OPCML: variants seen among roughly 807,000 people sequenced by gnomAD.
The protein encoded by OPCML is opioid-binding protein/cell adhesion molecule.
A neutral mutation model predicts 37.8 loss-of-function variants in OPCML; 13 were observed. The ratio of observed to expected loss-of-function variants is 0.34; its 90% CI spans 0.22 to 0.55. The LOEUF is 0.55. OPCML is among the 20% of genes least tolerant of loss of function. OPCML has a pLI of 0.91. For missense variants in OPCML, 341 were observed against 435.6 expected (o/e 0.78, Z 1.93); for synonymous variants, 176 against 168.8 (o/e 1.04, Z -0.33).
chr11:132,721,554 C>T (rs1354479922), intron 2 of OPCML, among the ~76,000 whole-genome samples: 1 of 152,040 alleles, frequency 6.6e-6, no homozygotes, highest in African/African-American at 2.4e-5. Flanking sequence ...GAGCTGGGTA[C>T]CCAGGCAGAA....
At chr11:132,610,029 C>CATTGA (rs1555163813) in intron 3 of OPCML, among the ~76,000 whole-genome samples, 3 of 151,686 alleles carry the variant, frequency 2.0e-5, no homozygotes, top group South Asian at 2.1e-4. Context: ...ATTCAGGTTA[C>CATTGA]GTTAACATTT....
intron 1 of OPCML, among the ~76,000 whole-genome samples, chr11:133,022,713 A>G (rs1947476757): frequency 6.6e-6 from 1 of 152,192 alleles, no homozygotes; most frequent in South Asian, 2.1e-4. Flanking sequence ...GTGACGCACC[A>G]TGGAAAAATA....
chr11:133,217,327 T>A (rs1331675003), intron 1 of OPCML, among the ~76,000 whole-genome samples: 1 of 152,216 alleles, frequency 6.6e-6, no homozygotes, highest in African/African-American at 2.4e-5. Context: ...CCCGTTCCCA[T>A]GGGCAGAATT....
At chr11:133,330,071 C>T (rs561360950) in intron 1 of OPCML, among the ~76,000 whole-genome samples, 2 of 152,100 alleles carry the variant, frequency 1.3e-5, no homozygotes, top group Non-Finnish European at 2.9e-5. Flanking sequence ...GCAGCCAAAA[C>T]AACACATGAA....
At chr11:133,005,980 A>C in intron 1 of OPCML, 1 of 985,406 alleles carries the variant, frequency 1.0e-6, no homozygotes. Context: ...AAAAGGGAAG[A>C]TGTCTCTTTT....
intron 1 of OPCML, among the ~76,000 whole-genome samples, chr11:133,355,425 T>C (rs1944260841): frequency 6.6e-6 from 1 of 152,226 alleles, no homozygotes; most frequent in African/African-American, 2.4e-5. Flanking sequence ...TCCAGGATTG[T>C]TAATTTAAGT....
intron 2 of OPCML, among the ~76,000 whole-genome samples, chr11:132,709,894 C>T (rs1944189368): frequency 6.6e-6 from 1 of 152,188 alleles, no homozygotes. Flanking sequence ...AAGCATTGGT[C>T]AGTGCCTCTT....
intron 1 of OPCML, among the ~76,000 whole-genome samples, chr11:133,019,247 T>C (rs550703307): frequency 7.9e-5 from 12 of 152,256 alleles, no homozygotes; most frequent in Admixed American, 7.2e-4. Flanking sequence ...CAGACTGCAG[T>C]AGAACCACCA....
chr11:132,742,495 TG>T (rs1413496271), intron 2 of OPCML, among the ~76,000 whole-genome samples: 4 of 152,030 alleles, frequency 2.6e-5, no homozygotes, highest in Non-Finnish European at 5.9e-5. Context: ...GCTGGCACCG[TG>T]ATCTTGGAGT....
At chr11:132,514,515 G>T (rs2096275587) in intron 4 of OPCML, among the ~76,000 whole-genome samples, 1 of 152,134 alleles carries the variant, frequency 6.6e-6, no homozygotes, top group African/African-American at 2.4e-5. Flanking sequence ...TTTCTTTGTG[G>T]ATTCCTGCTG....
intron 2 of OPCML, among the ~76,000 whole-genome samples, chr11:132,710,063 C>G (rs902939763): frequency 3.9e-5 from 6 of 152,144 alleles, no homozygotes; most frequent in African/African-American, 7.2e-5. Context: ...TCTAAGTACA[C>G]AAGTACATCG....
chr11:133,037,288 T>C (rs1947800253), intron 1 of OPCML, among the ~76,000 whole-genome samples: 1 of 152,196 alleles, frequency 6.6e-6, no homozygotes, highest in African/African-American at 2.4e-5. Flanking sequence ...GTAAGAGTTA[T>C]AAGAAACCAA....
intron 2 of OPCML, among the ~76,000 whole-genome samples, chr11:132,932,831 C>A (rs1161954621): frequency 6.6e-6 from 1 of 151,812 alleles, no homozygotes; most frequent in Non-Finnish European, 1.5e-5. Context: ...TTTACTGCCT[C>A]CCATCAGCCC....
chr11:133,460,328 A>G (rs1276549329), intron 1 of OPCML, among the ~76,000 whole-genome samples: 2 of 151,942 alleles, frequency 1.3e-5, no homozygotes, highest in East Asian at 3.8e-4. Flanking sequence ...AAAAAAGAGT[A>G]AGTCCAAAAC....
chr11:132,423,370 C>T (rs569702704), intron 7 of OPCML, among the ~76,000 whole-genome samples: 2 of 152,314 alleles, frequency 1.3e-5, no homozygotes, highest in Admixed American at 1.3e-4. Context: ...GAATTTAATC[C>T]ACTACGATAC....
chr11:133,354,078 G>A (rs567851403), intron 1 of OPCML, among the ~76,000 whole-genome samples: 8 of 151,884 alleles, frequency 5.3e-5, no homozygotes, highest in African/African-American at 1.7e-4. Context: ...CCATTTTTAA[G>A]TCTATCTGTG....
chr11:132,469,673 T>C (rs2096130304), intron 4 of OPCML, among the ~76,000 whole-genome samples: 1 of 114,166 alleles, frequency 8.8e-6, no homozygotes, highest in Non-Finnish European at 1.7e-5. Flanking sequence ...GGTGTATGTG[T>C]GTGTATATGT....
chr11:133,304,797 A>G (rs1052389387), intron 1 of OPCML, among the ~76,000 whole-genome samples: 9 of 152,178 alleles, frequency 5.9e-5, no homozygotes, highest in African/African-American at 2.2e-4. Flanking sequence ...CTTAACCACC[A>G]CGTAACCCCT....
chr11:132,578,645 G>A (rs1339257675), intron 3 of OPCML, among the ~76,000 whole-genome samples: 2 of 152,136 alleles, frequency 1.3e-5, no homozygotes, highest in African/African-American at 4.8e-5. Context: ...AAATAAAATT[G>A]TACCAGTAGC....
Sources: allele counts gnomAD v4.1 joint callset (sites outside exome capture counted in the v4.1 genomes callset), GRCh38; gene constraint gnomAD v4.1.1; transcripts MANE v1.5; gene names NCBI Gene and HGNC (gene_info 2026-07-23, HGNC 2026-07-21).